The following GPHN variants were observed in gnomAD, a reference collection of about 807,000 sequenced individuals.
The protein encoded by GPHN is gephyrin.
In GPHN, 17 loss-of-function variants were observed where a neutral mutation model predicts 95.5. That is an observed-to-expected ratio of 0.18 (90% CI 0.12 to 0.27). The LOEUF (loss-of-function observed/expected upper bound fraction) is 0.27. Ranked by LOEUF, GPHN falls within the 10% of genes least tolerant of loss-of-function variation. GPHN has a pLI of 1.00. For missense variants in GPHN, 660 were observed against 978.1 expected, an observed-to-expected ratio of 0.67 and a Z score of 4.34; for synonymous variants, 320 against 322.5, an observed-to-expected ratio of 0.99 and a Z score of 0.08.
intron 12 of GPHN, among the ~76,000 whole-genome samples, chr14:67,090,935 T>C (rs1221276967): frequency 6.6e-6 from 1 of 151,910 alleles, no homozygotes; most frequent in East Asian, 1.9e-4. Context: ...AATTAATTAG[T>C]TGTAGAAAGC....
chr14:66,787,915 C>G (rs945650587), intron 3 of GPHN, among the ~76,000 whole-genome samples: 1 of 151,150 alleles, frequency 6.6e-6, no homozygotes, highest in African/African-American at 2.4e-5. Context: ...GTCTTTACGA[C>G]CTGGGGCTAG....
In GPHN at chr14:66,508,254, G is replaced by T; in HGVS notation, c.-274G>T. ...CGCCTCCGCGCGCTCTCCCCGTGCG[G>T]CCACCGCGCCCCCCAAGCTTGCCTC... On this transcript the variant is annotated 5_prime_UTR_variant, in exon 1 of 23. Coordinates refer to ENST00000478722, the MANE Select transcript of GPHN (RefSeq NM_020806.5). 2 of 559,842 alleles carry T rather than the reference G, an allele frequency of 3.6e-6. No homozygotes were observed. The highest frequency in any genetic ancestry group is 3.1e-5 in the Admixed American group (1 of 32,146). 34.7% of individuals were successfully genotyped at this position (559,842 alleles called of 1,614,324 possible).
chr14:67,573,249 C>CT, the GPHN span: 3 of 1,440,402 alleles, frequency 2.1e-6, no homozygotes, highest in Non-Finnish European at 2.0e-6. This position sits in a 1 kb window ranked among gnomAD's most constrained non-coding sequence, Gnocchi z 4.8. Context: ...TTTCCCCTTT[C>CT]TTCATCTACA....
At chr14:67,532,479 T>G in the GPHN span, among the ~76,000 whole-genome samples, 2 of 152,138 alleles carry the variant, frequency 1.3e-5, no homozygotes, top group African/African-American at 4.8e-5. Context: ...TGAGATTGCT[T>G]TGGGCGATCT....
rs541562686 is a variant in GPHN at position 67,045,027 on chromosome 14, C to G, written c.1007-13622C>G. ...ACGAGTTGATTTCTGGACTTGGATG[C>G]CTAATAGGTATTACCTATTAATAAA... On this transcript the variant is annotated intron_variant, in intron 10 of 22. Coordinates refer to ENST00000478722, the MANE Select transcript of GPHN (RefSeq NM_020806.5). Among the ~76,000 whole-genome samples, 14 of 152,248 alleles carry G rather than the reference C, an allele frequency of 9.2e-5. No homozygotes were observed. In the South Asian group the frequency reaches 2.9e-3, roughly 32 times the overall value.
the GPHN span, among the ~76,000 whole-genome samples, chr14:67,547,093 C>G: frequency 1.8e-3 from 274 of 152,166 alleles, no homozygotes; most frequent in African/African-American, 6.4e-3. Context: ...TGTCTCTGAT[C>G]CTCATGTAAC....
At chr14:67,314,977 G>A in the GPHN span, among the ~76,000 whole-genome samples, 2 of 152,030 alleles carry the variant, frequency 1.3e-5, no homozygotes, top group Admixed American at 6.6e-5. Flanking sequence ...GCATGGTGGT[G>A]CGTACCTGTA....
At chr14:67,375,688 C>T in the GPHN span, among the ~76,000 whole-genome samples, 16 of 152,158 alleles carry the variant, frequency 1.1e-4, no homozygotes, top group Non-Finnish European at 2.1e-4. Flanking sequence ...CATTTGAAAA[C>T]ACTGTCAGTA....
the GPHN span, chr14:67,600,160 A>AGGC: frequency 6.3e-7 from 1 of 1,589,692 alleles, no homozygotes; most frequent in South Asian, 1.1e-5. Context: ...CTGCAGCGCC[A>AGGC]GGCGGCCGCC....
At chr14:66,715,910 C>G (rs149294816) in intron 2 of GPHN, among the ~76,000 whole-genome samples, 49 of 152,042 alleles carry the variant, frequency 3.2e-4, no homozygotes, top group African/African-American at 1.2e-3. Context: ...ATCATATGGT[C>G]TATCTTGGAG....
In GPHN at chr14:67,153,515, C is replaced by T. The variant is rs145271389; in HGVS notation, c.1837-5900C>T. On this transcript the variant is annotated intron_variant, in intron 18 of 22. Coordinates refer to ENST00000478722, the MANE Select transcript of GPHN (RefSeq NM_020806.5). Reference sequence around the variant, plus strand: ...ACTCATGAGAACTCCACCCTCATCACCTAATTACTTCCCAAAGCCCCCACC... The same window carrying T: ...ACTCATGAGAACTCCACCCTCATCATCTAATTACTTCCCAAAGCCCCCACC... Among the ~76,000 whole-genome samples, 318 of 152,250 alleles carry T rather than the reference C, an allele frequency of 2.1e-3. 1 individual carries two copies. Among genetic ancestry groups the T allele is most frequent in the African/African-American group, 7.2e-3 (299 of 41,556 alleles).
intron 4 of GPHN, among the ~76,000 whole-genome samples, chr14:66,866,239 T>C (rs1268467102): frequency 6.6e-6 from 1 of 152,176 alleles, no homozygotes; most frequent in Non-Finnish European, 1.5e-5. Flanking sequence ...ACATATCAAC[T>C]TCTGAAGAAC....
chr14:66,712,511 A>C (rs1361594232), intron 2 of GPHN, among the ~76,000 whole-genome samples: 1 of 152,094 alleles, frequency 6.6e-6, no homozygotes, highest in Non-Finnish European at 1.5e-5. Context: ...AGATTGCAAA[A>C]ATTTTCTCCC....
chr14:67,384,270 A>G, the GPHN span: 7 of 151,856 alleles, frequency 4.6e-5, no homozygotes, highest in Admixed American at 4.6e-4. Flanking sequence ...ATATCACCCA[A>G]TTTTTTATTT....
chr14:66,569,280 A>C (rs903273663), intron 1 of GPHN, among the ~76,000 whole-genome samples: 15 of 152,236 alleles, frequency 9.9e-5, no homozygotes, highest in African/African-American at 3.6e-4. Context: ...CTGAATTAAA[A>C]TATAGTTAAT....
chr14:67,662,990 T>G, the GPHN span: 1 of 1,381,220 alleles, frequency 7.2e-7, no homozygotes, highest in Non-Finnish European at 9.3e-7. Context: ...CTATGTTAAC[T>G]CGTACACTAC....
chr14:67,589,672 C>A, the GPHN span: 1 of 990,592 alleles, frequency 1.0e-6, no homozygotes, highest in Non-Finnish European at 1.2e-6. Flanking sequence ...TTGTTTTTTT[C>A]GTAACTTTAC....
chr14:66,983,649 GC>G (rs1031038877), intron 9 of GPHN, among the ~76,000 whole-genome samples: 10 of 152,120 alleles, frequency 6.6e-5, no homozygotes, highest in African/African-American at 2.2e-4. Flanking sequence ...TGAGTGGTTT[GC>G]TCCCAAAGTC....
chr14:67,312,841 G>A, the GPHN span: 4 of 690,050 alleles, frequency 5.8e-6, no homozygotes, highest in African/African-American at 1.8e-5. Context: ...GTGTAGTTGG[G>A]TTTTTATGTT....
Sources: allele counts gnomAD v4.1 joint callset (sites outside exome capture counted in the v4.1 genomes callset), GRCh38; gene constraint gnomAD v4.1.1; non-coding constraint Gnocchi (gnomAD v3.1); transcripts MANE v1.5; gene names NCBI Gene and HGNC (gene_info 2026-07-23, HGNC 2026-07-21).